Variants in SPECC1 observed in about 807,000 individuals in gnomAD.
SPECC1 encodes sperm antigen with calponin homology and coiled-coil domains 1, also known as cytospin-B.
SPECC1 carries 62 observed loss-of-function variants against 104.1 expected under a neutral mutation model. The observed-to-expected ratio is 0.60, with a 90% CI of 0.49 to 0.74. SPECC1 has a LOEUF of 0.74. SPECC1 is among the 30% of genes least tolerant of loss of function. The pLI is 0.00. For missense variants in SPECC1, 1,306 were observed against 1,310.5 expected, an observed-to-expected ratio of 1.00 and a Z score of 0.05; for synonymous variants, 513 against 501.6, an observed-to-expected ratio of 1.02 and a Z score of -0.30.
rs890033166 is a variant in SPECC1, at chr17:20,277,169, T to C, written c.2940+16875T>C. ...CCAGTGTCTCATGGCATCTGATGTC[T>C]AGTCACCAGCATGCATGGGGACATG... On this transcript the variant is annotated intron_variant, in intron 12 of 14. Transcript: ENST00000395527. Among the ~76,000 whole-genome samples, 4 of 152,202 alleles carry C rather than the reference T, an allele frequency of 2.6e-5. No individual in the cohort carries two copies. The East Asian group carries it at 7.7e-4, about 29-fold the overall frequency.
chr17:20,266,578 C>T lies in SPECC1; in HGVS notation c.2940+6284C>T, dbSNP rs973232883. On this transcript the variant is annotated intron_variant, in intron 12 of 14. Transcript: ENST00000395527. ...CAGCCTGGGCGACAGAGCAAGACTC[C>T]GTCTCAAAAAATATATATATATATT... Among the ~76,000 whole-genome samples, 9 of 152,156 alleles carry T rather than the reference C, an allele frequency of 5.9e-5. 1 individual carries two copies. Among genetic ancestry groups the T allele is most frequent in the East Asian group, 1.9e-4 (1 of 5,170 alleles).
chr17:20,201,319 C>T (rs544421069), intron 3 of SPECC1, among the ~76,000 whole-genome samples: 8 of 150,718 alleles, frequency 5.3e-5, no homozygotes, highest in African/African-American at 1.7e-4. Flanking sequence ...AACAAAAAAA[C>T]GAAATACAGT....
At chr17:20,161,730 C>A (rs565008673) in intron 3 of SPECC1, among the ~76,000 whole-genome samples, 1 of 150,816 alleles carries the variant, frequency 6.6e-6, no homozygotes, top group East Asian at 1.9e-4. Context: ...GAGGGAATTT[C>A]TTTTTTCTTA....
rs1052844445 is a variant in SPECC1, at chr17:20,232,567, C to T, written c.2351+162C>T. The T allele has an allele frequency of 6.5e-6, 5 of 774,142 alleles. No individual in the cohort carries two copies. In the South Asian group the frequency reaches 9.2e-5, roughly 14 times the overall value. 48.0% of individuals were successfully genotyped at this position (774,142 alleles called of 1,614,324 possible). A position where few individuals can be genotyped will look rare whatever the true frequency, so the allele number is the denominator to read the frequency against. On this transcript the variant is annotated intron_variant, in intron 7 of 14. Transcript: ENST00000395527. ...ACCTTACCACTAGGAACATTCTGTA[C>T]AGTACCCAGTCCCTGCCATGCTGCA...
intron 1 of SPECC1, among the ~76,000 whole-genome samples, chr17:20,060,369 G>A (rs1191958444): frequency 6.6e-6 from 1 of 152,148 alleles, no homozygotes; most frequent in Non-Finnish European, 1.5e-5. Context: ...CGTCTGGGCT[G>A]GGCTCAGTGG....
chr17:20,232,717 A>G (rs1260473072), intron 7 of SPECC1, among the ~76,000 whole-genome samples: 1 of 152,210 alleles, frequency 6.6e-6, no homozygotes, highest in Non-Finnish European at 1.5e-5. Flanking sequence ...TTATTAATGC[A>G]GGGGAGTGCA....
intron 1 of SPECC1, among the ~76,000 whole-genome samples, chr17:20,058,678 T>C (rs546804589): frequency 6.6e-6 from 1 of 152,044 alleles, no homozygotes; most frequent in South Asian, 2.1e-4. Context: ...GTTTATTCAT[T>C]TTTTAGCATT....
chr17:20,313,667 T>G (rs181935704), intron 14 of SPECC1, among the ~76,000 whole-genome samples: 1 of 152,362 alleles, frequency 6.6e-6, no homozygotes, highest in East Asian at 1.9e-4. Context: ...GGAAATCATT[T>G]TAATAGTGAA....
In SPECC1 at chr17:20,038,528, T is replaced by G. The variant is rs181478540; in HGVS notation, c.-22+29104T>G. On this transcript the variant is annotated intron_variant, in intron 1 of 14. Transcript: ENST00000395527. The stretch of plus-strand genomic sequence containing the variant: ...GATTCTCCTACCTCAGCCTCCCAAG[T>G]AGCTGGGACCACAGGCTCCCGCCAC... Among the ~76,000 whole-genome samples the G allele has an allele frequency of 2.2e-3, 326 of 151,596 alleles. 1 individual carries two copies. Among genetic ancestry groups the G allele is most frequent in the Non-Finnish European group, 3.7e-3 (249 of 67,890 alleles).
At chr17:20,048,136 CT>C (rs543097038) in intron 1 of SPECC1, among the ~76,000 whole-genome samples, 547 of 139,698 alleles carry the variant, frequency 3.9e-3, no homozygotes, top group African/African-American at 5.8e-3. Context: ...AGAAATGAGT[CT>C]TTTTTTTTTT....
chr17:20,156,830 C>T (rs1237417703), intron 3 of SPECC1, among the ~76,000 whole-genome samples: 1 of 152,186 alleles, frequency 6.6e-6, no homozygotes, highest in Non-Finnish European at 1.5e-5. Context: ...TGTCGGCCCC[C>T]AGCAGAGTTA....
chr17:20,214,654 C>T (rs1409687467), intron 4 of SPECC1, among the ~76,000 whole-genome samples: 1 of 152,116 alleles, frequency 6.6e-6, no homozygotes, highest in Non-Finnish European at 1.5e-5. Context: ...ATTACAGGCA[C>T]CTGCCACCAC....
chr17:20,286,072 A>G (rs925124174), intron 12 of SPECC1, among the ~76,000 whole-genome samples: 1 of 152,078 alleles, frequency 6.6e-6, no homozygotes, highest in Middle Eastern at 3.2e-3. Flanking sequence ...TCGGCCTCCC[A>G]AAGTGCTGGG....
intron 1 of SPECC1, among the ~76,000 whole-genome samples, chr17:20,029,270 T>A (rs2152440160): frequency 6.6e-6 from 1 of 152,342 alleles, no homozygotes; most frequent in East Asian, 1.9e-4. Flanking sequence ...TTCTTTTTGA[T>A]GTTATTGTAA....
chr17:20,150,004 A>C (rs2031838276), intron 3 of SPECC1, among the ~76,000 whole-genome samples: 1 of 151,606 alleles, frequency 6.6e-6, no homozygotes, highest in Non-Finnish European at 1.5e-5. Flanking sequence ...ATGGAGTCTC[A>C]CTCTGTCTCC....
At chr17:20,104,714 G>A (rs553004714) in intron 2 of SPECC1, among the ~76,000 whole-genome samples, 11 of 131,784 alleles carry the variant, frequency 8.3e-5, no homozygotes, top group Non-Finnish European at 1.5e-4. Context: ...CTGCACTCCA[G>A]CTTGGGTGAA....
chr17:20,282,695 G>A (rs770545906), intron 12 of SPECC1, among the ~76,000 whole-genome samples: 26 of 152,258 alleles, frequency 1.7e-4, no homozygotes, highest in East Asian at 3.9e-4. Flanking sequence ...CCACCGTAGC[G>A]TTGCAGAAGC....
chr17:20,185,488 C>T (rs893635966), intron 3 of SPECC1, among the ~76,000 whole-genome samples: 1 of 152,238 alleles, frequency 6.6e-6, no homozygotes, highest in Non-Finnish European at 1.5e-5. Context: ...GAGCTGTCAT[C>T]TCAGCCAGGG....
rs10565315 is a variant in SPECC1, at chr17:20,264,457, A to ATTT, written c.2940+4193_2940+4195dup. On this transcript the variant is annotated intron_variant, in intron 12 of 14. Coordinates refer to ENST00000395527, the MANE Select transcript of SPECC1 (RefSeq NM_001243439.2). ...TCCATGTGGCTTTTTTTGGAGACGG[A>ATTT]TTTTTTTTTTTTTTTTTTTTTTTTT... 2.7e-3 allele frequency among the ~76,000 whole-genome samples: 151 copies of ATTT among 55,776 alleles called. 8 individuals are homozygous for ATTT. The highest frequency in any genetic ancestry group is 3.7e-3 in the Non-Finnish European group (115 of 31,258). The allele number at this position is 55,776 out of a possible 152,430, so 36.6% of individuals were successfully genotyped here.
Sources: allele counts gnomAD v4.1 joint callset (sites outside exome capture counted in the v4.1 genomes callset), GRCh38; gene constraint gnomAD v4.1.1; transcripts MANE v1.5; gene names NCBI Gene and HGNC (gene_info 2026-07-23, HGNC 2026-07-21).